Variants in CDH12 observed in about 807,000 individuals in gnomAD.
CDH12 encodes the protein cadherin 12.
A neutral mutation model predicts 74.1 loss-of-function variants in CDH12; 41 were observed. The observed-to-expected ratio is 0.55, with a 90% CI of 0.43 to 0.72. The LOEUF is 0.72. CDH12 is among the 30% of genes least tolerant of loss of function. The pLI is 0.00. For missense variants in CDH12, 945 were observed against 977.2 expected (o/e 0.97, Z 0.44); for synonymous variants, 399 against 355.0 (o/e 1.12, Z -1.39).
chr5:22,358,975 A>T (rs1194012087), intron 3 of CDH12, among the ~76,000 whole-genome samples: 6 of 152,214 alleles, frequency 3.9e-5, no homozygotes, highest in Admixed American at 1.3e-4. Flanking sequence ...CTGCAAAAAC[A>T]TGCCAAAGTG....
chr5:22,383,241 G>A (rs1328949799), intron 3 of CDH12, among the ~76,000 whole-genome samples: 1 of 152,100 alleles, frequency 6.6e-6, no homozygotes, highest in East Asian at 1.9e-4. Flanking sequence ...TTATAATTGA[G>A]GATATTTAAT....
chr5:22,000,598 A>G (rs1187967817), intron 5 of CDH12, among the ~76,000 whole-genome samples: 1 of 152,174 alleles, frequency 6.6e-6, no homozygotes, highest in Non-Finnish European at 1.5e-5. Flanking sequence ...AAATGACATA[A>G]TTACTCATTA....
intron 2 of CDH12, among the ~76,000 whole-genome samples, chr5:22,418,664 A>T (rs867886818): frequency 5.3e-5 from 8 of 152,218 alleles, no homozygotes; most frequent in Middle Eastern, 3.4e-3. Flanking sequence ...CGGGAGGTTC[A>T]CTTGAGGTCA....
chr5:22,614,441 G>A (rs2078172660), intron 1 of CDH12, among the ~76,000 whole-genome samples: 1 of 32,890 alleles, frequency 3.0e-5, no homozygotes, highest in South Asian at 8.7e-4. Context: ...CTTGAGCTGA[G>A]CTATCATGAA....
chr5:22,734,932 T>C (rs1744609823), intron 1 of CDH12, among the ~76,000 whole-genome samples: 1 of 151,976 alleles, frequency 6.6e-6, no homozygotes, highest in African/African-American at 2.4e-5. Context: ...AGATTAGACA[T>C]TGTTCCTTCA....
At chr5:22,767,791 A>G (rs574517476) in intron 1 of CDH12, among the ~76,000 whole-genome samples, 19 of 152,132 alleles carry the variant, frequency 1.2e-4, no homozygotes, top group African/African-American at 4.1e-4. Flanking sequence ...ATAGTTAAAC[A>G]AAATATTATT....
intron 6 of CDH12, among the ~76,000 whole-genome samples, chr5:21,939,282 G>A (rs1579991761): frequency 1.3e-5 from 2 of 151,516 alleles, no homozygotes; most frequent in African/African-American, 2.4e-5. Context: ...GGAAAAAATA[G>A]TTGCACTGAG....
At chr5:21,753,180 CCAGAG>C (rs1744195884) in intron 14 of CDH12, among the ~76,000 whole-genome samples, 1 of 152,108 alleles carries the variant, frequency 6.6e-6, no homozygotes, top group African/African-American at 2.4e-5. Flanking sequence ...GTTTGATTTA[CCAGAG>C]CAGAGTCTGG....
At chr5:22,526,249 G>A (rs1418294862) in intron 1 of CDH12, among the ~76,000 whole-genome samples, 2 of 152,106 alleles carry the variant, frequency 1.3e-5, no homozygotes, top group African/African-American at 2.4e-5. Context: ...AAAAAACCCT[G>A]AAAGTTCAAT....
At chr5:22,463,670 T>A (rs1166771730) in intron 2 of CDH12, among the ~76,000 whole-genome samples, 1 of 152,174 alleles carries the variant, frequency 6.6e-6, no homozygotes, top group African/African-American at 2.4e-5. Context: ...TTTAACGTTT[T>A]TAAACTGAAG....
chr5:21,875,912 T>TTC (rs375435763), intron 6 of CDH12, among the ~76,000 whole-genome samples: 8 of 151,184 alleles, frequency 5.3e-5, no homozygotes, highest in South Asian at 2.1e-4. Context: ...TTTTTTTTTT[T>TTC]CTGAAACGGA....
chr5:22,352,324 T>A (rs1740388673), intron 3 of CDH12, among the ~76,000 whole-genome samples: 1 of 152,130 alleles, frequency 6.6e-6, no homozygotes. Flanking sequence ...TCTTTTCATA[T>A]CCCTGACCTT....
At chr5:21,760,079 C>T (rs1293472424) in intron 13 of CDH12, among the ~76,000 whole-genome samples, 1 of 152,100 alleles carries the variant, frequency 6.6e-6, no homozygotes, top group Non-Finnish European at 1.5e-5. Flanking sequence ...TTTTCTTCAT[C>T]CAGTCTGTCA....
intron 1 of CDH12, among the ~76,000 whole-genome samples, chr5:22,558,747 G>C (rs910780590): frequency 2.0e-5 from 3 of 151,952 alleles, no homozygotes; most frequent in African/African-American, 7.2e-5. Flanking sequence ...ATAAGAACAT[G>C]CAATTAAGGT....
chr5:22,221,566 C>T (rs1003031738), intron 3 of CDH12, among the ~76,000 whole-genome samples: 1 of 151,864 alleles, frequency 6.6e-6, no homozygotes, highest in African/African-American at 2.4e-5. Context: ...GTAGAATCTG[C>T]TAGATTTATG....
chr5:21,830,199 CAAAAAAAAAAAAAA>C (rs1055199877), intron 8 of CDH12, among the ~76,000 whole-genome samples: 2 of 25,234 alleles, frequency 7.9e-5, no homozygotes, highest in African/African-American at 1.2e-4. Flanking sequence ...AACTCCTTCT[CAAAAAAAAAAAAAA>C]AAAAAAAAAA....
intron 1 of CDH12, among the ~76,000 whole-genome samples, chr5:22,814,677 A>G (rs1749303545): frequency 6.6e-6 from 1 of 152,160 alleles, no homozygotes; most frequent in Non-Finnish European, 1.5e-5. Flanking sequence ...ATGTTCAGCC[A>G]TTTCTTCATC....
intron 5 of CDH12, among the ~76,000 whole-genome samples, chr5:22,034,365 T>G (rs1403224618): frequency 2.6e-5 from 4 of 152,146 alleles, no homozygotes; most frequent in Non-Finnish European, 5.9e-5. Context: ...GAATAAAAGA[T>G]TAGAACATTA....
intron 6 of CDH12, among the ~76,000 whole-genome samples, chr5:21,881,035 GT>G (rs911440528): frequency 1.3e-5 from 2 of 151,850 alleles, no homozygotes; most frequent in African/African-American, 4.8e-5. Flanking sequence ...TAAAATCTTA[GT>G]TTTTTATTTA....
Sources: gnomAD v4.1 joint callset for allele counts (sites outside exome capture counted in the v4.1 genomes callset) on GRCh38, gnomAD v4.1.1 for gene constraint, MANE v1.5 for transcripts, NCBI Gene and HGNC (gene_info 2026-07-23, HGNC 2026-07-21) for gene names.